AP1AR: variants seen among roughly 807,000 people sequenced by gnomAD.
The protein encoded by AP1AR is adaptor related protein complex 1 associated regulatory protein.
AP1AR carries 29 observed loss-of-function variants against 46.3 expected under a neutral mutation model. The observed-to-expected ratio is 0.63, with a 90% CI of 0.47 to 0.85. The LOEUF (loss-of-function observed/expected upper bound fraction) is 0.85. Ranked by LOEUF, AP1AR falls within the 40% of genes least tolerant of loss-of-function variation. The pLI, the probability that AP1AR is intolerant of heterozygous loss-of-function variation, is 0.00. For missense variants in AP1AR, 357 were observed against 356.3 expected, an observed-to-expected ratio of 1.00 and a Z score of -0.02; for synonymous variants, 122 against 122.9, an observed-to-expected ratio of 0.99 and a Z score of 0.05.
chr4:112,263,434 A>G (rs1726538982), intron 6 of AP1AR, among the ~76,000 whole-genome samples: 2 of 151,762 alleles, frequency 1.3e-5, no homozygotes, highest in Admixed American at 1.3e-4. Flanking sequence ...GCCTTTAAAT[A>G]TAATTGGCAA....
In AP1AR at chr4:112,271,747, T is replaced by C. The variant is rs929499721; in HGVS notation, c.*3338T>C. 1.3e-5 allele frequency among the ~76,000 whole-genome samples: 2 copies of C among 152,164 alleles called. No individual in the cohort carries two copies. Among genetic ancestry groups the C allele is most frequent in the South Asian group, 4.1e-4 (2 of 4,830 alleles). Reference sequence around the variant, plus strand: ...TTGAGGTGTTCATAAGATATTTGGATGAAGATGTCAAGTAGGTGATGGGAT... The same window carrying C: ...TTGAGGTGTTCATAAGATATTTGGACGAAGATGTCAAGTAGGTGATGGGAT... On this transcript the variant is annotated 3_prime_UTR_variant, in exon 10 of 10. Transcript: ENST00000274000.
At chr4:112,268,017 G>A (rs1463058697) in intron 9 of AP1AR, 127 bp from the exon 10 acceptor site, 1 of 918,732 alleles carries the variant, frequency 1.1e-6, no homozygotes, top group Non-Finnish European at 1.5e-6. Flanking sequence ...CATGGGACTG[G>A]GTCTTTAAGT....
intron 2 of AP1AR, among the ~76,000 whole-genome samples, chr4:112,254,329 GA>G (rs1409246611): frequency 1.3e-5 from 2 of 152,172 alleles, no homozygotes; most frequent in African/African-American, 2.4e-5. Context: ...TAAACGTGGG[GA>G]AATTCTTATT....
chr4:112,249,014 C>T lies in AP1AR; in HGVS notation c.84-4194C>T, dbSNP rs573019474. Among the ~76,000 whole-genome samples, 6 of 152,236 alleles carry T rather than the reference C, an allele frequency of 3.9e-5. No individual in the cohort carries two copies. The South Asian group carries it at 8.3e-4, about 21-fold the overall frequency. ...CCCTACATAAAATAACCTCCTGTTC[C>T]GGGTGCGGTGGCTCACGCCTGTAAT... On this transcript the variant is annotated intron_variant, in intron 1 of 9. Coordinates refer to ENST00000274000, the MANE Select transcript of AP1AR (RefSeq NM_018569.6).
rs926121764 is a variant in AP1AR at position 112,269,297 on chromosome 4, C to G, written c.*888C>G. ...ATCTAAAAAGGTAATACGGGTATTT[C>G]AAATAAAATCCTTTCTGGTATGAAA... On this transcript the variant is annotated 3_prime_UTR_variant, in exon 10 of 10. Transcript: ENST00000274000. 6.6e-6 allele frequency: 1 copy of G among 152,200 alleles called. No individual in the cohort carries two copies. The highest frequency in any genetic ancestry group is 1.5e-5 in the Non-Finnish European group (1 of 67,820). The allele number at this position is 152,200 out of a possible 1,614,324, so 9.4% of individuals were successfully genotyped here.
Position 112,264,999 on chromosome 4 carries a change from G to A in AP1AR, c.382-10G>A. 6.3e-7 allele frequency: 1 copy of A among 1,588,488 alleles called. No individual in the cohort carries two copies. The highest frequency in any genetic ancestry group is 8.6e-7 in the Non-Finnish European group (1 of 1,169,040). On this transcript the variant is annotated splice_polypyrimidine_tract_variant and intron_variant, in intron 6 of 9. Coordinates refer to ENST00000274000, the MANE Select transcript of AP1AR (RefSeq NM_018569.6). ...AGAGTGATTTTTTTTATTACATTAT[G>A]TTTCCAAAGCAAGAAAGGCAGAGAA...
chr4:112,242,183 C>G (rs755175513), intron 1 of AP1AR, among the ~76,000 whole-genome samples: 18 of 152,176 alleles, frequency 1.2e-4, no homozygotes, highest in Non-Finnish European at 2.1e-4. Context: ...CTATTCTTAA[C>G]AAGACTGGTT....
At chr4:112,237,163 A>T (rs1027107107) in intron 1 of AP1AR, among the ~76,000 whole-genome samples, 1 of 152,172 alleles carries the variant, frequency 6.6e-6, no homozygotes, top group Non-Finnish European at 1.5e-5. Flanking sequence ...GCTGGAGTGC[A>T]GTGGTGTGAT....
chr4:112,249,363 A>AG (rs1166317162), intron 1 of AP1AR, among the ~76,000 whole-genome samples: 5 of 150,680 alleles, frequency 3.3e-5, no homozygotes, highest in Admixed American at 3.3e-4. Flanking sequence ...TTTCTTTAAA[A>AG]AAAAAAAATG....
At chr4:112,232,378 A>G (rs1725051039) in intron 1 of AP1AR, among the ~76,000 whole-genome samples, 1 of 152,166 alleles carries the variant, frequency 6.6e-6, no homozygotes, top group African/African-American at 2.4e-5. Context: ...AAGAGGTAGA[A>G]GAGGGGGCGG....
chr4:112,260,971 G>T, intron 5 of AP1AR, 109 bp downstream of exon 5: 2 of 561,572 alleles, frequency 3.6e-6, no homozygotes, highest in Non-Finnish European at 5.7e-6. Context: ...ATATACAGAT[G>T]AATCTGTTTT....
intron 1 of AP1AR, among the ~76,000 whole-genome samples, chr4:112,235,612 GTATATATAT>G (rs1725204931): frequency 6.6e-6 from 1 of 152,056 alleles, no homozygotes; most frequent in Admixed American, 6.5e-5. Flanking sequence ...AGGCAAGTAA[GTATATATAT>G]TATATATATT....
At chr4:112,254,310 G>T (rs905751021) in intron 2 of AP1AR, among the ~76,000 whole-genome samples, 1 of 152,052 alleles carries the variant, frequency 6.6e-6, no homozygotes, top group African/African-American at 2.4e-5. Context: ...ATGAATAGAC[G>T]GATAAATATA....
rs1372735400 is a variant in AP1AR at position 112,266,581 on chromosome 4, A to G, written c.515-7A>G. On this transcript the variant is annotated splice_region_variant and splice_polypyrimidine_tract_variant and intron_variant, in intron 8 of 9. Coordinates refer to ENST00000274000, the MANE Select transcript of AP1AR (RefSeq NM_018569.6). ...GAGTATTCAATTGTATTTCGTGTAT[A>G]TTCTAGGACTCTCATCAGATGCTAC... 6.8e-6 allele frequency: 11 copies of G among 1,608,144 alleles called. No individual in the cohort carries two copies. Among genetic ancestry groups the G allele is most frequent in the East Asian group, 4.5e-5 (2 of 44,604 alleles).
intron 1 of AP1AR, among the ~76,000 whole-genome samples, chr4:112,238,160 G>A (rs1725333742): frequency 6.6e-6 from 1 of 152,254 alleles, no homozygotes; most frequent in Non-Finnish European, 1.5e-5. Flanking sequence ...CATGATGTAC[G>A]CTAAGAGCTC....
Position 112,232,120 on chromosome 4 carries a change from T to G in AP1AR, c.29T>G (p.Phe10Cys), listed in dbSNP as rs376272770. The G allele has an allele frequency of 1.6e-4, 213 of 1,299,956 alleles. No individual in the cohort carries two copies. Among genetic ancestry groups the G allele is most frequent in the South Asian group, 1.5e-3 (60 of 40,810 alleles). The allele number at this position is 1,299,956 out of a possible 1,614,324, so 80.5% of individuals were successfully genotyped here. Residue 10 changes from phenylalanine (F) to cysteine (C), a missense_variant, in exon 1 of 10, where the codon TTC becomes TGC. By Grantham distance (205) the Phe-to-Cys change is radical. Transcript: ENST00000274000. MGNCCWTQC[F>C]GLLRKEAGRL... is the part of the protein sequence containing the mutation. ...GGGAACTGCTGCTGGACGCAGTGCT[T>G]CGGACTGCTTCGCAAGGAAGCGGGG...
chr4:112,250,567 A>G (rs1725911985), intron 1 of AP1AR, among the ~76,000 whole-genome samples: 1 of 152,242 alleles, frequency 6.6e-6, no homozygotes, highest in Non-Finnish European at 1.5e-5. Context: ...TAATTCAAGC[A>G]TACTTGAATA....
intron 7 of AP1AR, 70 bp from the exon 8 acceptor site, chr4:112,265,664 A>G (rs1726671177): frequency 6.1e-6 from 7 of 1,143,872 alleles, no homozygotes; most frequent in Middle Eastern, 1.9e-4. Context: ...CAATGCCATC[A>G]TTAGCTTATA....
chr4:112,237,867 A>T (rs1725321670), intron 1 of AP1AR, among the ~76,000 whole-genome samples: 1 of 152,038 alleles, frequency 6.6e-6, no homozygotes, highest in African/African-American at 2.4e-5. Flanking sequence ...AAACCATATT[A>T]TCTCCCTGAG....
Sources: gnomAD v4.1 joint callset for allele counts (sites outside exome capture counted in the v4.1 genomes callset) on GRCh38, gnomAD v4.1.1 for gene constraint, MANE v1.5 for transcripts, NCBI Gene and HGNC (gene_info 2026-07-23, HGNC 2026-07-21) for gene names.